SPECC1L: variants seen among roughly 807,000 people sequenced by gnomAD.
SPECC1L encodes the protein cytospin-A.
In SPECC1L, 40 loss-of-function variants were observed where a neutral mutation model predicts 116.8. The ratio of observed to expected loss-of-function variants is 0.34; its 90% CI spans 0.27 to 0.45. The LOEUF (loss-of-function observed/expected upper bound fraction) is 0.45, where lower values mean the gene tolerates loss of function less well. Ranked by LOEUF, SPECC1L falls within the 20% of genes least tolerant of loss-of-function variation. The pLI is 1.00. For missense variants in SPECC1L, 1,110 were observed against 1,373.6 expected (o/e 0.81, Z 3.03); for synonymous variants, 504 against 500.6 (o/e 1.01, Z -0.09).
intron 14 of SPECC1L, among the ~76,000 whole-genome samples, chr22:24,392,283 AAGC>A (rs1454078042): frequency 5.3e-5 from 8 of 152,262 alleles, no homozygotes; most frequent in African/African-American, 1.7e-4. Context: ...ATTTTGCTAA[AAGC>A]AGAATCATTA....
intron 6 of SPECC1L, among the ~76,000 whole-genome samples, chr22:24,326,505 C>T (rs1275595490): frequency 6.6e-6 from 1 of 152,128 alleles, no homozygotes; most frequent in East Asian, 1.9e-4. Context: ...GATTAGATGG[C>T]CTGTTTGACT....
chr22:24,278,523 A>G (rs1296855927), intron 2 of SPECC1L, among the ~76,000 whole-genome samples: 2 of 152,118 alleles, frequency 1.3e-5, no homozygotes, highest in Admixed American at 6.5e-5. Context: ...CCATTCATTC[A>G]TCAAAGTTAG....
Position 24,416,300 on chromosome 22 carries a change from C to T in SPECC1L, c.*1677C>T, listed in dbSNP as rs2042799966. On this transcript the variant is annotated 3_prime_UTR_variant, in exon 17 of 17. Transcript: ENST00000314328. ...AGGCTGCTGCCGCTGGCTGGATGCC[C>T]TTTGGTGAAATGCCTGTTTTCAGCT... The T allele has an allele frequency of 6.6e-6, 1 of 152,218 alleles. No homozygotes were observed. Among genetic ancestry groups the T allele is most frequent in the African/African-American group, 2.4e-5 (1 of 41,442 alleles). 9.4% of individuals were successfully genotyped at this position (152,218 alleles called of 1,614,324 possible). A position where few individuals can be genotyped will look rare whatever the true frequency, so the allele number is the denominator to read the frequency against.
chr22:24,319,316 G>A (rs190781281), intron 4 of SPECC1L, among the ~76,000 whole-genome samples: 13 of 152,358 alleles, frequency 8.5e-5, no homozygotes, highest in African/African-American at 3.1e-4. Context: ...TGGCAGGAAG[G>A]AGGAGAATGA....
intron 10 of SPECC1L, among the ~76,000 whole-genome samples, chr22:24,339,399 C>T (rs1044752352): frequency 2.6e-5 from 4 of 152,078 alleles, no homozygotes; most frequent in Admixed American, 6.5e-5. Context: ...GTAACAGGTC[C>T]GGCACAGGTC....
Position 24,369,357 on chromosome 22 carries a change from G to C in SPECC1L, c.3087+37G>C. On this transcript the variant is annotated intron_variant, in intron 14 of 16. Transcript: ENST00000314328. ...ATTCTTTTGTCCCATGTGAGTAATTGGCAAACCAACTGCTGGAGTGTCGTA... is the reference window on the plus strand; with the variant it reads ...ATTCTTTTGTCCCATGTGAGTAATTCGCAAACCAACTGCTGGAGTGTCGTA... The C allele has an allele frequency of 2.7e-6, 4 of 1,490,212 alleles. No homozygotes were observed. In the East Asian group the frequency reaches 9.0e-5, roughly 34 times the overall value. The allele number at this position is 1,490,212 out of a possible 1,614,324, so 92.3% of individuals were successfully genotyped here.
At chr22:24,400,396 T>C (rs905251036) in intron 14 of SPECC1L, among the ~76,000 whole-genome samples, 6 of 152,270 alleles carry the variant, frequency 3.9e-5, no homozygotes, top group Admixed American at 3.9e-4. Flanking sequence ...CGTATATTCG[T>C]ACTTTGTTCC....
intron 6 of SPECC1L, among the ~76,000 whole-genome samples, chr22:24,327,378 G>T (rs1403819046): frequency 6.6e-6 from 1 of 151,510 alleles, no homozygotes; most frequent in African/African-American, 2.4e-5. Flanking sequence ...GGTTCTAGTG[G>T]AACAGGGGTA....
In SPECC1L at chr22:24,324,442, C is replaced by G. The variant is rs1569421584; in HGVS notation, c.2146+15C>G. 6.2e-7 allele frequency: 1 copy of G among 1,600,564 alleles called. No individual in the cohort carries two copies. Among genetic ancestry groups the G allele is most frequent in the Non-Finnish European group, 8.6e-7 (1 of 1,168,104 alleles). ...TGATCTAGAGAGTAAGTGATAAGAA[C>G]TTTTCATTCTTTTTTGTCCTACTCT... On this transcript the variant is annotated intron_variant, in intron 6 of 16. Transcript: ENST00000314328.
chr22:24,347,579 T>C lies in SPECC1L; in HGVS notation c.2743+403T>C, dbSNP rs1221957421. On this transcript the variant is annotated intron_variant, in intron 11 of 16. Coordinates refer to ENST00000314328, the MANE Select transcript of SPECC1L (RefSeq NM_015330.6). ...CTGACTTCAAAGCCCATTCCTTAAA[T>C]CTCTGGACTGAGTTTTGTTACCCTG... is the stretch of plus-strand genomic sequence containing the variant. Among the ~76,000 whole-genome samples, 5 of 152,286 alleles carry C rather than the reference T, an allele frequency of 3.3e-5. No individual in the cohort carries two copies. In the East Asian group the frequency reaches 5.8e-4, roughly 18 times the overall value.
intron 14 of SPECC1L, among the ~76,000 whole-genome samples, chr22:24,401,788 G>A (rs1300939610): frequency 6.6e-6 from 1 of 152,120 alleles, no homozygotes; most frequent in Non-Finnish European, 1.5e-5. Context: ...AGATCACCTG[G>A]GTACCTTTAA....
Position 24,337,629 on chromosome 22 carries a change from A to G in SPECC1L, c.2561-757A>G, listed in dbSNP as rs140812328. ...ATACATCTAAAGATATCAATTCTAA[A>G]TATAAGTAAATATATTCGTGTTTAT... On this transcript the variant is annotated intron_variant, in intron 9 of 16. Transcript: ENST00000314328. Among the ~76,000 whole-genome samples, 585 of 152,364 alleles carry G rather than the reference A, an allele frequency of 3.8e-3. 3 individuals are homozygous for G. The highest frequency in any genetic ancestry group is 5.1e-3 in the Non-Finnish European group (348 of 68,032).
At chr22:24,366,200 CT>C (rs67221593) in intron 13 of SPECC1L, among the ~76,000 whole-genome samples, 116,655 of 148,054 alleles carry the variant, frequency 0.79, 46,604 homozygotes, top group African/African-American at 0.95. Context: ...TGGAACTTTT[CT>C]TTTTTTTTTT....
intron 2 of SPECC1L, among the ~76,000 whole-genome samples, chr22:24,294,484 C>T (rs112625598): frequency 1.3e-4 from 19 of 150,878 alleles, no homozygotes; most frequent in Admixed American, 2.0e-4. Flanking sequence ...CGGGTTCAAG[C>T]GATTCTTCTG....
rs79290393 is a variant in SPECC1L at position 24,294,882 on chromosome 22, G to A, written c.-37-7313G>A. 3.1e-3 allele frequency among the ~76,000 whole-genome samples: 473 copies of A among 152,214 alleles called. 14 individuals are homozygous for A. In the East Asian group the frequency reaches 0.068, roughly 22 times the overall value. ...GTAACTACAAGAATATTTTTTTGTC[G>A]ATGTTGCACGTAGAGTTTCCTGTAA... On this transcript the variant is annotated intron_variant, in intron 2 of 16. Transcript: ENST00000314328.
intron 14 of SPECC1L, among the ~76,000 whole-genome samples, chr22:24,383,163 A>T (rs188965163): frequency 6.5e-4 from 99 of 152,388 alleles, no homozygotes; most frequent in Non-Finnish European, 1.1e-3. Context: ...AGAAGTTATC[A>T]GCTTTAAATC....
At position 24,321,372 on chromosome 22, in the gene SPECC1L, G is replaced by A. The variant is rs200724810; in HGVS notation, c.392G>A (p.Arg131Gln). 1.1e-5 allele frequency: 18 copies of A among 1,614,116 alleles called. No homozygotes were observed. In the East Asian group the frequency reaches 1.3e-4, roughly 12 times the overall value. The change falls in exon 5 of 17, where the codon CGA becomes CAA. Residue 131 changes from arginine (R) to glutamine (Q), a missense_variant. Arg to Gln is a conservative substitution (Grantham distance 43). This residue lies in a region of SPECC1L where 437 missense variants were observed against 482.6 expected (regional missense o/e 0.91). Coordinates refer to ENST00000314328, the MANE Select transcript of SPECC1L (RefSeq NM_015330.6). ...AGAGAAAGATTACGTGAACGTACCC[G>A]ATTAAACCAGAGCAAAAAACTACCT... is the stretch of plus-strand genomic sequence containing the variant. Reference protein sequence around the residue: ...STRERLRERTRLNQSKKLPSA... With the variant: ...STRERLRERTQLNQSKKLPSA...
intron 3 of SPECC1L, among the ~76,000 whole-genome samples, chr22:24,312,790 ATATAT>A (rs1241906262): frequency 6.6e-6 from 1 of 152,172 alleles, no homozygotes; most frequent in Non-Finnish European, 1.5e-5. Context: ...TTTTTTATTA[ATATAT>A]TATGCATGTT....
intron 4 of SPECC1L, among the ~76,000 whole-genome samples, chr22:24,318,687 A>T (rs2040655262): frequency 6.6e-6 from 1 of 152,214 alleles, no homozygotes; most frequent in African/African-American, 2.4e-5. Flanking sequence ...TAGGAGGCCA[A>T]GGTGGGCAGA....
Sources: allele counts gnomAD v4.1 joint callset (sites outside exome capture counted in the v4.1 genomes callset), GRCh38; gene constraint gnomAD v4.1.1; regional missense constraint gnomAD v4.1.1; transcripts MANE v1.5; gene names NCBI Gene and HGNC (gene_info 2026-07-23, HGNC 2026-07-21).